The following DCAF1 variants were observed in gnomAD, a reference collection of about 807,000 sequenced individuals.
The protein encoded by DCAF1 is DDB1 and CUL4 associated factor 1.
A neutral mutation model predicts 128.0 loss-of-function variants in DCAF1; 15 were observed. The ratio of observed to expected loss-of-function variants is 0.12; its 90% CI spans 0.08 to 0.18. The LOEUF (loss-of-function observed/expected upper bound fraction) is 0.18, where lower values mean the gene tolerates loss of function less well. DCAF1 is among the 10% of genes least tolerant of loss of function. The pLI is 1.00. For synonymous variants in DCAF1, 610 were observed against 603.0 expected, an observed-to-expected ratio of 1.01 and a Z score of -0.17; for missense variants, 988 against 1,649.5, an observed-to-expected ratio of 0.60 and a Z score of 6.95.
rs782654469 is a variant in DCAF1 at position 51,420,144 on chromosome 3, C to A, written c.2826G>T (p.Leu942=). ...AGTTGCCTGCATAAGATGGGCCGGG[C>A]AGAGCTAGCGGACCCTGGGGGGGCC... The part of the protein sequence containing the change: ...QPRPPQGPLA[L]PGPSYAGNSP... Residue 942 remains leucine, a synonymous_variant, in exon 15 of 25, where the codon CTG becomes CTT. Coordinates refer to ENST00000684031, the MANE Select transcript of DCAF1 (RefSeq NM_001387579.1). This position sits in a 1 kb window ranked among gnomAD's most constrained non-coding sequence, Gnocchi z 6.5. 1.2e-6 allele frequency: 2 copies of A among 1,613,948 alleles called. No individual in the cohort carries two copies. Among genetic ancestry groups the A allele is most frequent in the Admixed American group, 1.7e-5 (1 of 60,004 alleles).
chr3:51,406,904 T>C (rs2090153435), intron 23 of DCAF1, among the ~76,000 whole-genome samples: 1 of 152,200 alleles, frequency 6.6e-6, no homozygotes, highest in Admixed American at 6.5e-5. Context: ...GCCTTTTACC[T>C]ACACTTTGGC....
intron 1 of DCAF1, among the ~76,000 whole-genome samples, chr3:51,498,605 G>A (rs782039345): frequency 9.2e-5 from 14 of 151,964 alleles, no homozygotes; most frequent in Non-Finnish European, 1.6e-4. Context: ...TTTTAAAACT[G>A]TATAATAGGC....
At chr3:51,502,271 G>C (rs1241119222), upstream of DCAF1, among the ~76,000 whole-genome samples, 1 of 152,116 alleles carries the variant, frequency 6.6e-6, no homozygotes, top group South Asian at 2.1e-4. Flanking sequence ...AGAGCACTGT[G>C]GCTCATGCCT....
intron 3 of DCAF1, among the ~76,000 whole-genome samples, chr3:51,473,223 T>C (rs1465686743): frequency 6.7e-6 from 1 of 149,598 alleles, no homozygotes; most frequent in African/African-American, 2.4e-5. Flanking sequence ...TTGTACTCCA[T>C]TGCACTCCAG....
At position 51,443,907 on chromosome 3, in the gene DCAF1, T is replaced by C. The variant is rs372181939; in HGVS notation, c.376-4A>G. The C allele has an allele frequency of 3.0e-5, 48 of 1,586,674 alleles. No individual in the cohort carries two copies. The highest frequency in any genetic ancestry group is 3.5e-5 in the South Asian group (3 of 85,280). On this transcript the variant is annotated splice_polypyrimidine_tract_variant and splice_region_variant and intron_variant, in intron 6 of 24. Transcript: ENST00000684031. ...AAAGATTCTCGACAATTCCCTCCTA[T>C]AGTAAAGGAAATTAAATAGTACATT...
chr3:51,424,026 C>T (rs1699676780), intron 13 of DCAF1, among the ~76,000 whole-genome samples: 1 of 151,760 alleles, frequency 6.6e-6, no homozygotes, highest in Non-Finnish European at 1.5e-5. Flanking sequence ...GTTCAAAATA[C>T]AACATTAATG....
chr3:51,457,951 G>C (rs1291708739), intron 6 of DCAF1, among the ~76,000 whole-genome samples: 13 of 152,200 alleles, frequency 8.5e-5, no homozygotes, highest in African/African-American at 3.1e-4. Context: ...ACCAGCCACT[G>C]CAAAAACATG....
chr3:51,464,428 C>T lies in DCAF1; in HGVS notation c.262-1201G>A, dbSNP rs1248458874. On this transcript the variant is annotated intron_variant, in intron 5 of 24. Coordinates refer to ENST00000684031, the MANE Select transcript of DCAF1 (RefSeq NM_001387579.1). ...TCATTATCCAGGCTGAGTGTGGTGG[C>T]TCATCCCTGTAATCCCAGCACATTG... Among the ~76,000 whole-genome samples the T allele has an allele frequency of 2.6e-5, 4 of 151,978 alleles. No homozygotes were observed. In the East Asian group the frequency reaches 5.8e-4, roughly 22 times the overall value.
In DCAF1 at chr3:51,403,754, G is replaced by GA. The variant is rs533112874; in HGVS notation, c.4213-360dup. 8.5e-5 allele frequency among the ~76,000 whole-genome samples: 13 copies of GA among 152,218 alleles called. No homozygotes were observed. The South Asian group carries it at 2.5e-3, about 29-fold the overall frequency. On this transcript the variant is annotated intron_variant, in intron 23 of 24. Coordinates refer to ENST00000684031, the MANE Select transcript of DCAF1 (RefSeq NM_001387579.1). The stretch of plus-strand genomic sequence containing the variant: ...GCAAGTGAAATCAGCTGAGACACTA[G>GA]AAAAAATCCTTTTACCTGGAATCTA...
chr3:51,417,956 A>G (rs1553630959), intron 17 of DCAF1, among the ~76,000 whole-genome samples, 160 bp downstream of exon 17: 2 of 152,200 alleles, frequency 1.3e-5, no homozygotes, highest in African/African-American at 4.8e-5. Context: ...TAAGAAAGAT[A>G]AAGTCTTATT....
At chr3:51,453,299 C>A (rs545899408) in intron 6 of DCAF1, among the ~76,000 whole-genome samples, 1 of 152,160 alleles carries the variant, frequency 6.6e-6, no homozygotes, top group South Asian at 2.1e-4. Flanking sequence ...AAATAAGAAT[C>A]AAGATCTTTC....
rs189197834 is a variant in DCAF1 at position 51,398,135 on chromosome 3, G to A, written c.*634C>T. The A allele has an allele frequency of 6.6e-6, 1 of 151,980 alleles. No homozygotes were observed. The highest frequency in any genetic ancestry group is 1.9e-4 in the East Asian group (1 of 5,166). The allele number at this position is 151,980 out of a possible 1,614,324, so 9.4% of individuals were successfully genotyped here. On this transcript the variant is annotated 3_prime_UTR_variant, in exon 25 of 25. Coordinates refer to ENST00000684031, the MANE Select transcript of DCAF1 (RefSeq NM_001387579.1). ...CCTTCCTCCCCACCTCTGGCACGAA[G>A]GAAAACAAATTAACCTGACAGCATA...
Position 51,430,042 on chromosome 3 carries a change from C to T in DCAF1, c.1458G>A (p.Leu486=), listed in dbSNP as rs375877106. The change falls in exon 11 of 25, where the codon CTG becomes CTA. Residue 486 remains leucine, a synonymous_variant. Transcript: ENST00000684031. The part of the protein sequence containing the change: ...LFDRYDGLRR[L]VNLISTLEIL... The stretch of plus-strand genomic sequence containing the variant: ...ACTGAAAGAACCTCACCAAGTTCAC[C>T]AGACGACGAAGACCATCATAGCGGT... 3 of 780,474 alleles carry T rather than the reference C, an allele frequency of 3.8e-6. No homozygotes were observed. Among genetic ancestry groups the T allele is most frequent in the South Asian group, 2.7e-5 (2 of 74,606 alleles). The allele number at this position is 780,474 out of a possible 1,614,324, so 48.3% of individuals were successfully genotyped here. A position where few individuals can be genotyped will look rare whatever the true frequency, so the allele number is the denominator to read the frequency against.
intron 7 of DCAF1, among the ~76,000 whole-genome samples, chr3:51,442,926 G>C (rs1458058076): frequency 6.6e-6 from 1 of 152,126 alleles, no homozygotes; most frequent in African/African-American, 2.4e-5. Flanking sequence ...CTATCGAAGG[G>C]GAGTGGGAAG....
chr3:51,454,870 T>A (rs528697010), intron 6 of DCAF1, among the ~76,000 whole-genome samples: 1 of 151,636 alleles, frequency 6.6e-6, no homozygotes, highest in Non-Finnish European at 1.5e-5. Context: ...AGACGGGGTT[T>A]CACTGTGTTA....
chr3:51,441,350 CTA>C, intron 8 of DCAF1, 33 bp downstream of exon 8: 1 of 1,579,032 alleles, frequency 6.3e-7, no homozygotes, highest in Non-Finnish European at 8.6e-7. Flanking sequence ...ACAATAATTC[CTA>C]TGTGTGAACA....
chr3:51,420,670 C>G lies in DCAF1; in HGVS notation c.2300G>C (p.Arg767Pro). The G allele has an allele frequency of 6.2e-7, 1 of 1,614,052 alleles. No individual in the cohort carries two copies. Among genetic ancestry groups the G allele is most frequent in the Non-Finnish European group, 8.5e-7 (1 of 1,179,906 alleles). Residue 767 changes from arginine (R) to proline (P), a missense_variant, in exon 15 of 25, where the codon CGC becomes CCC. Arg to Pro is a moderately radical substitution (Grantham distance 103). Coordinates refer to ENST00000684031, the MANE Select transcript of DCAF1 (RefSeq NM_001387579.1). This position sits in a 1 kb window ranked among gnomAD's most constrained non-coding sequence, Gnocchi z 6.5. ...LACKALVGLS[R>P]SSTVRQIISK... ...GATGATCTGCCGGACAGTGCTACTGCGAGACAGGCCCACTAGGGCTTTGCA... is the reference window on the plus strand; with the variant it reads ...GATGATCTGCCGGACAGTGCTACTGGGAGACAGGCCCACTAGGGCTTTGCA...
chr3:51,483,512 T>C (rs1418744861), intron 3 of DCAF1, among the ~76,000 whole-genome samples: 6 of 151,466 alleles, frequency 4.0e-5, no homozygotes, highest in South Asian at 4.2e-4. Flanking sequence ...AAAGACTAAA[T>C]CTGAGGAAAG....
chr3:51,419,681 T>G, intron 15 of DCAF1, 53 bp downstream of exon 15: 1 of 1,537,760 alleles, frequency 6.5e-7, no homozygotes, highest in Non-Finnish European at 8.7e-7. Flanking sequence ...CAGTTTGATT[T>G]AAATAAAAGA....
Sources: allele counts gnomAD v4.1 joint callset (sites outside exome capture counted in the v4.1 genomes callset), GRCh38; gene constraint gnomAD v4.1.1; non-coding constraint Gnocchi (gnomAD v3.1); transcripts MANE v1.5; gene names NCBI Gene and HGNC (gene_info 2026-07-23, HGNC 2026-07-21).